Variants in WNT3A observed in about 807,000 individuals in gnomAD.
The protein encoded by WNT3A is Wnt family member 3A.
A neutral mutation model predicts 37.0 loss-of-function variants in WNT3A; 17 were observed. The observed-to-expected ratio is 0.46, with a 90% CI of 0.31 to 0.69. WNT3A has a LOEUF of 0.69. Among genes scored for constraint, WNT3A ranks in the 30% least tolerant of loss-of-function variants. The pLI is 0.05. For missense variants in WNT3A, 411 were observed against 510.2 expected, an observed-to-expected ratio of 0.81 and a Z score of 1.87; for synonymous variants, 187 against 211.0, an observed-to-expected ratio of 0.89 and a Z score of 0.99.
intron 1 of WNT3A, among the ~76,000 whole-genome samples, chr1:228,021,913 G>A (rs955363920): frequency 6.6e-6 from 1 of 152,206 alleles, no homozygotes; most frequent in Non-Finnish European, 1.5e-5. Flanking sequence ...TGGTGTGAAC[G>A]GGGCCCATGC....
At position 228,039,111 on chromosome 1, in the gene WNT3A, A is replaced by T. The variant is rs1286820292; in HGVS notation, c.314-11545A>T. On this transcript the variant is annotated intron_variant, in intron 2 of 3. Coordinates refer to ENST00000284523, the MANE Select transcript of WNT3A (RefSeq NM_033131.4). The surrounding 1 kb of genome is among the most constrained non-coding windows in gnomAD (Gnocchi z 4.1). ...GCTGGGGGTGTCCAGCCAGACAGTC[A>T]GCATTGCCAGGGGAAAGAGACGAAG... is the stretch of plus-strand genomic sequence containing the variant. Among the ~76,000 whole-genome samples the T allele has an allele frequency of 6.6e-6, 1 of 152,180 alleles. No homozygotes were observed. The highest frequency in any genetic ancestry group is 1.5e-5 in the Non-Finnish European group (1 of 68,022).
In WNT3A at chr1:228,017,679, C is replaced by T. The variant is rs557475345; in HGVS notation, c.72-4988C>T. Among the ~76,000 whole-genome samples the T allele has an allele frequency of 8.5e-5, 13 of 152,248 alleles. No individual in the cohort carries two copies. In the South Asian group the frequency reaches 1.5e-3, roughly 17 times the overall value. ...CGCTGCAGTGAGCCCTCAGCCTAGA[C>T]GACAGAGCAAGACTTCATCTCTAAA... On this transcript the variant is annotated intron_variant, in intron 1 of 3. Transcript: ENST00000284523.
intron 2 of WNT3A, among the ~76,000 whole-genome samples, chr1:228,032,761 G>A (rs928524277): frequency 1.6e-4 from 25 of 152,168 alleles, no homozygotes; most frequent in African/African-American, 5.8e-4. Flanking sequence ...CTATTCCAGA[G>A]TGTCTGCACC....
At chr1:228,057,136 T>A in intron 3 of WNT3A, among the ~76,000 whole-genome samples, 1 of 152,230 alleles carries the variant, frequency 6.6e-6, no homozygotes, top group Middle Eastern at 3.2e-3. Context: ...TAACACCAAC[T>A]ACAAAAAGTC....
intron 2 of WNT3A, among the ~76,000 whole-genome samples, chr1:228,045,963 C>A (rs564879491): frequency 6.6e-6 from 1 of 152,190 alleles, no homozygotes; most frequent in Admixed American, 6.5e-5. Context: ...TAGGCAGCCG[C>A]GGCTAGGGAG....
intron 2 of WNT3A, among the ~76,000 whole-genome samples, chr1:228,041,107 A>C (rs190068862): frequency 6.6e-6 from 1 of 151,894 alleles, no homozygotes; most frequent in Non-Finnish European, 1.5e-5. Flanking sequence ...AGCACTTGGC[A>C]GTCCTCTGTT....
rs991810411 is a variant in WNT3A, at chr1:228,060,570, C to G, written c.*1105C>G. ...CCCTCCCAAAGAGGCCCGCCCTGCC[C>G]GGGCTCCCACACCGTCAGGTACTCC... On this transcript the variant is annotated 3_prime_UTR_variant, in exon 4 of 4. Coordinates refer to ENST00000284523, the MANE Select transcript of WNT3A (RefSeq NM_033131.4). 1 of 255,118 alleles carries G rather than the reference C, an allele frequency of 3.9e-6. No homozygotes were observed. The highest frequency in any genetic ancestry group is 2.2e-5 in the African/African-American group (1 of 44,476). The allele number at this position is 255,118 out of a possible 1,614,324, so 15.8% of individuals were successfully genotyped here.
Position 228,008,671 on chromosome 1 carries a change from C to G in WNT3A, c.71+1472C>G, listed in dbSNP as rs1490098451. Among the ~76,000 whole-genome samples, 1 of 152,152 alleles carries G rather than the reference C, an allele frequency of 6.6e-6. No individual in the cohort carries two copies. Among genetic ancestry groups the G allele is most frequent in the Non-Finnish European group, 1.5e-5 (1 of 68,012 alleles). On this transcript the variant is annotated intron_variant, in intron 1 of 3. Coordinates refer to ENST00000284523, the MANE Select transcript of WNT3A (RefSeq NM_033131.4). The surrounding 1 kb of genome is among the most constrained non-coding windows in gnomAD (Gnocchi z 4.9). ...CGCAGGGAGCCAGGGGCAGCGCGTCCGTCCGAGAGAGCCCCGAGGGCTGCC... is the reference window on the plus strand; with the variant it reads ...CGCAGGGAGCCAGGGGCAGCGCGTCGGTCCGAGAGAGCCCCGAGGGCTGCC...
chr1:228,022,234 G>A (rs2030724677), intron 1 of WNT3A, among the ~76,000 whole-genome samples: 1 of 152,162 alleles, frequency 6.6e-6, no homozygotes, highest in African/African-American at 2.4e-5. Context: ...TCTAGCGAGA[G>A]GTCACTTGAG....
intron 2 of WNT3A, among the ~76,000 whole-genome samples, chr1:228,026,676 T>C (rs892991974): frequency 6.6e-6 from 1 of 152,154 alleles, no homozygotes; most frequent in Non-Finnish European, 1.5e-5. Context: ...TGTGTTCTCA[T>C]AGCTTAGCTC....
Position 228,037,025 on chromosome 1 carries a change from G to C in WNT3A, c.314-13631G>C, listed in dbSNP as rs930246953. Among the ~76,000 whole-genome samples the C allele has an allele frequency of 6.6e-6, 1 of 152,252 alleles. No homozygotes were observed. The highest frequency in any genetic ancestry group is 2.4e-5 in the African/African-American group (1 of 41,544). On this transcript the variant is annotated intron_variant, in intron 2 of 3. Coordinates refer to ENST00000284523, the MANE Select transcript of WNT3A (RefSeq NM_033131.4). The surrounding 1 kb of genome is among the most constrained non-coding windows in gnomAD (Gnocchi z 4.1). ...GGGCTGGGCCCAGGAGTCCCCCCGG[G>C]CCCTGGCACCTGCCAGATAGGTCGG...
intron 2 of WNT3A, among the ~76,000 whole-genome samples, chr1:228,041,112 T>A (rs2031276092): frequency 6.6e-6 from 1 of 151,884 alleles, no homozygotes; most frequent in Non-Finnish European, 1.5e-5. Context: ...TTGGCAGTCC[T>A]CTGTTAGTCC....
chr1:228,038,642 A>C lies in WNT3A; in HGVS notation c.314-12014A>C, dbSNP rs1442568230. ...GGCAGCACCAGGAGGGAGGGACCCA[A>C]TGCATTCGGGGTGGCCACTGTCCCC... On this transcript the variant is annotated intron_variant, in intron 2 of 3. Coordinates refer to ENST00000284523, the MANE Select transcript of WNT3A (RefSeq NM_033131.4). This position sits in a 1 kb window ranked among gnomAD's most constrained non-coding sequence, Gnocchi z 5.7. 6.6e-6 allele frequency among the ~76,000 whole-genome samples: 1 copy of C among 152,090 alleles called. No homozygotes were observed. Among genetic ancestry groups the C allele is most frequent in the African/African-American group, 2.4e-5 (1 of 41,418 alleles).
At position 228,059,767 on chromosome 1, in the gene WNT3A, A is replaced by G. The variant is rs1204165353; in HGVS notation, c.*302A>G. 50 of 1,198,862 alleles carry G rather than the reference A, an allele frequency of 4.2e-5. No individual in the cohort carries two copies. The highest frequency in any genetic ancestry group is 5.2e-5 in the Non-Finnish European group (50 of 965,236). 74.3% of individuals were successfully genotyped at this position (1,198,862 alleles called of 1,614,324 possible). ...GGCTCCCCTGGACAGAGGCGGGGCT[A>G]CAGATTGGGCGGGGCTTCTCTTGGG... On this transcript the variant is annotated 3_prime_UTR_variant, in exon 4 of 4. Transcript: ENST00000284523.
At chr1:228,012,562 A>G (rs1313029247) in intron 1 of WNT3A, among the ~76,000 whole-genome samples, 2 of 152,192 alleles carry the variant, frequency 1.3e-5, no homozygotes, top group Non-Finnish European at 2.9e-5. Flanking sequence ...CACTGCCTGT[A>G]GCCCTCATCC....
intron 2 of WNT3A, among the ~76,000 whole-genome samples, chr1:228,026,096 T>C (rs1246690908): frequency 6.6e-6 from 1 of 151,690 alleles, no homozygotes; most frequent in African/African-American, 2.4e-5. Context: ...GATTTTCCAT[T>C]GTTAATATAT....
chr1:228,059,234 C>T lies in WNT3A; in HGVS notation c.828C>T (p.Ala276=). 6.2e-7 allele frequency: 1 copy of T among 1,610,228 alleles called. No individual in the cohort carries two copies. Among genetic ancestry groups the T allele is most frequent in the Non-Finnish European group, 8.5e-7 (1 of 1,179,624 alleles). ...PTERDLVYYE[A]SPNFCEPNPE... ...AGCGCGACCTGGTCTACTACGAGGCCTCGCCCAACTTCTGCGAGCCCAACC... is the reference window on the plus strand; with the variant it reads ...AGCGCGACCTGGTCTACTACGAGGCTTCGCCCAACTTCTGCGAGCCCAACC... The change falls in exon 4 of 4, where the codon GCC becomes GCT. Residue 276 remains alanine, a synonymous_variant. Transcript: ENST00000284523.
rs918105832 is a variant in WNT3A, at chr1:228,008,545, C to T, written c.71+1346C>T. ...CCCGCGCGCCCCTATTTCCGCGTGCCCCATTTCCCGTGCGGCACCTGCTGC... is the reference window on the plus strand; with the variant it reads ...CCCGCGCGCCCCTATTTCCGCGTGCTCCATTTCCCGTGCGGCACCTGCTGC... On this transcript the variant is annotated intron_variant, in intron 1 of 3. Coordinates refer to ENST00000284523, the MANE Select transcript of WNT3A (RefSeq NM_033131.4). This position sits in a 1 kb window ranked among gnomAD's most constrained non-coding sequence, Gnocchi z 4.9. Among the ~76,000 whole-genome samples the T allele has an allele frequency of 1.3e-4, 20 of 152,070 alleles. No individual in the cohort carries two copies. Among genetic ancestry groups the T allele is most frequent in the Non-Finnish European group, 2.6e-4 (18 of 68,008 alleles).
intron 1 of WNT3A, among the ~76,000 whole-genome samples, chr1:228,009,374 C>T (rs534791331): frequency 6.6e-6 from 1 of 152,312 alleles, no homozygotes; most frequent in African/African-American, 2.4e-5. Context: ...GGACCCCTGC[C>T]GCTGGCATCC....
Sources: allele counts gnomAD v4.1 joint callset (sites outside exome capture counted in the v4.1 genomes callset), GRCh38; gene constraint gnomAD v4.1.1; non-coding constraint Gnocchi (gnomAD v3.1); transcripts MANE v1.5; gene names NCBI Gene and HGNC (gene_info 2026-07-23, HGNC 2026-07-21).